Variants in PLD5 observed in about 807,000 individuals in gnomAD.
PLD5 encodes inactive phospholipase D5.
Under a neutral mutation model 61.1 loss-of-function variants are expected in PLD5, and 36 were observed. The observed-to-expected ratio is 0.59, with a 90% confidence interval of 0.45 to 0.78. The LOEUF (loss-of-function observed/expected upper bound fraction) is 0.78. Ranked by LOEUF, PLD5 falls within the 30% of genes least tolerant of loss-of-function variation. PLD5 has a pLI of 0.00. For missense variants in PLD5, 515 were observed against 644.4 expected (o/e 0.80, Z 2.17); for synonymous variants, 243 against 242.8 (o/e 1.00, Z -0.01).
intron 5 of PLD5, among the ~76,000 whole-genome samples, chr1:242,140,481 A>T (rs1664078228): frequency 6.6e-6 from 1 of 152,146 alleles, no homozygotes; most frequent in African/African-American, 2.4e-5. Context: ...TACTAAAAAT[A>T]CAAAAATTAG....
intron 1 of PLD5, among the ~76,000 whole-genome samples, chr1:242,444,620 T>C (rs1252937262): frequency 1.1e-5 from 1 of 92,558 alleles, no homozygotes; most frequent in Non-Finnish European, 2.5e-5. Context: ...TTTATACAAA[T>C]AATATATATA....
chr1:242,515,219 T>A (rs12135316), intron 1 of PLD5, among the ~76,000 whole-genome samples: 32,470 of 150,538 alleles, frequency 0.22, 3,516 homozygotes, highest in African/African-American at 0.22. Flanking sequence ...TGTGTGTGTG[T>A]GAGAGAGAGA....
At chr1:242,261,898 C>T (rs1013884083) in intron 4 of PLD5, among the ~76,000 whole-genome samples, 4 of 152,196 alleles carry the variant, frequency 2.6e-5, no homozygotes, top group Non-Finnish European at 5.9e-5. Context: ...AGTACAACCA[C>T]TTAGAAAACT....
intron 4 of PLD5, among the ~76,000 whole-genome samples, chr1:242,255,338 A>G (rs1672951387): frequency 6.6e-6 from 1 of 152,272 alleles, no homozygotes; most frequent in South Asian, 2.1e-4. Context: ...TTGTAGAGTT[A>G]GATTTTGGAA....
chr1:242,193,841 CAA>C (rs1668434283), intron 5 of PLD5, among the ~76,000 whole-genome samples: 1 of 152,112 alleles, frequency 6.6e-6, no homozygotes, highest in Non-Finnish European at 1.5e-5. Flanking sequence ...TAAATTAATG[CAA>C]AAGTAAATGT....
intron 5 of PLD5, among the ~76,000 whole-genome samples, chr1:242,193,250 G>A (rs1668393377): frequency 6.6e-6 from 1 of 151,856 alleles, no homozygotes; most frequent in African/African-American, 2.4e-5. Flanking sequence ...GATAAAATGA[G>A]TAAGTCACTG....
rs1465003323 is a variant in PLD5, at chr1:242,133,765, C to CTAGG, written c.736-9104_736-9101dup. 3.3e-5 allele frequency among the ~76,000 whole-genome samples: 5 copies of CTAGG among 152,192 alleles called. No individual in the cohort carries two copies. The South Asian group carries it at 1.0e-3, about 32-fold the overall frequency. ...TTCACACAACAATTCTTGGCTTTAT[C>CTAGG]TAGGCAAAGGAAAATCAACAGATAA... On this transcript the variant is annotated intron_variant, in intron 5 of 9. Coordinates refer to ENST00000536534, the MANE Select transcript of PLD5 (RefSeq NM_001372062.1).
At chr1:242,386,753 A>T (rs895466436) in intron 1 of PLD5, among the ~76,000 whole-genome samples, 2 of 152,202 alleles carry the variant, frequency 1.3e-5, no homozygotes, top group African/African-American at 4.8e-5. Flanking sequence ...TTTATAATAG[A>T]ATTTCGAGAC....
At chr1:242,247,112 T>C (rs1574604756) in intron 4 of PLD5, among the ~76,000 whole-genome samples, 1 of 151,952 alleles carries the variant, frequency 6.6e-6, no homozygotes, top group African/African-American at 2.4e-5. Flanking sequence ...GCCTCCCGTG[T>C]AGCTGGGACT....
chr1:242,183,732 A>T (rs1289787380), intron 5 of PLD5, among the ~76,000 whole-genome samples: 1 of 152,002 alleles, frequency 6.6e-6, no homozygotes, highest in Non-Finnish European at 1.5e-5. Flanking sequence ...GTCTCTACTA[A>T]AAATACAAAA....
intron 5 of PLD5, among the ~76,000 whole-genome samples, chr1:242,173,297 A>G (rs1238343643): frequency 6.6e-6 from 1 of 152,180 alleles, no homozygotes; most frequent in Non-Finnish European, 1.5e-5. Flanking sequence ...ACTCCCATTC[A>G]CAATTGCTTC....
chr1:242,165,819 TTCC>T (rs1212120339), intron 5 of PLD5, among the ~76,000 whole-genome samples: 1 of 152,112 alleles, frequency 6.6e-6, no homozygotes, highest in African/African-American at 2.4e-5. Context: ...CCTGACTGGG[TTCC>T]TCGTTTTCCC....
At chr1:242,207,930 A>G (rs1404986106) in intron 5 of PLD5, among the ~76,000 whole-genome samples, 1 of 23,552 alleles carries the variant, frequency 4.2e-5, no homozygotes, top group South Asian at 3.7e-3. Context: ...ATTTATATAT[A>G]TTTATATATT....
intron 1 of PLD5, among the ~76,000 whole-genome samples, chr1:242,382,349 A>T (rs2149256867): frequency 6.6e-6 from 1 of 152,290 alleles, no homozygotes; most frequent in Middle Eastern, 3.4e-3. Context: ...GGAGATACAC[A>T]TGAAAAGTGA....
intron 5 of PLD5, chr1:242,192,281 G>A (rs971849158): frequency 3.3e-5 from 5 of 152,202 alleles, no homozygotes; most frequent in African/African-American, 1.2e-4. Context: ...AGTTTCAGTA[G>A]GTCCTTCAGA....
intron 5 of PLD5, among the ~76,000 whole-genome samples, chr1:242,175,944 A>C (rs1467175175): frequency 1.3e-5 from 2 of 152,226 alleles, no homozygotes; most frequent in Non-Finnish European, 2.9e-5. Context: ...GAGGACACAA[A>C]CAAATGGAAA....
intron 5 of PLD5, among the ~76,000 whole-genome samples, chr1:242,194,674 C>G (rs1414630192): frequency 1.3e-5 from 2 of 151,230 alleles, no homozygotes; most frequent in African/African-American, 4.9e-5. Flanking sequence ...ATCTACCTAT[C>G]TATGATAGAA....
chr1:242,403,543 C>T (rs1453341429), intron 1 of PLD5, among the ~76,000 whole-genome samples: 2 of 151,644 alleles, frequency 1.3e-5, no homozygotes, highest in Non-Finnish European at 2.9e-5. Flanking sequence ...TGGCTCACTG[C>T]AACCTCCACC....
chr1:242,326,704 T>G (rs957673931), intron 2 of PLD5, among the ~76,000 whole-genome samples: 27 of 152,058 alleles, frequency 1.8e-4, no homozygotes, highest in African/African-American at 3.9e-4. Context: ...ATAAGTTTTT[T>G]TGTGTGTGTG....
Sources: allele counts gnomAD v4.1 joint callset (sites outside exome capture counted in the v4.1 genomes callset), GRCh38; gene constraint gnomAD v4.1.1; transcripts MANE v1.5; gene names NCBI Gene and HGNC (gene_info 2026-07-23, HGNC 2026-07-21).